LOXL3: variants seen among roughly 807,000 people sequenced by gnomAD.
LOXL3 encodes the protein lysyl oxidase homolog 3.
A neutral mutation model predicts 91.8 loss-of-function variants in LOXL3; 60 were observed. The ratio of observed to expected loss-of-function variants is 0.65; its 90% CI spans 0.53 to 0.81. The LOEUF (loss-of-function observed/expected upper bound fraction) is 0.81, where lower values mean the gene tolerates loss of function less well. LOXL3 is among the 30% of genes least tolerant of loss of function. The pLI, the probability that LOXL3 is intolerant of heterozygous loss-of-function variation, is 0.00. For synonymous variants in LOXL3, 355 were observed against 387.6 expected (o/e 0.92, Z 0.99); for missense variants, 874 against 1,000.4 (o/e 0.87, Z 1.70).
rs1249758810 is a variant in LOXL3, at chr2:74,532,794, TTC to T, written c.*810_*811del. 6.2e-7 allele frequency: 1 copy of T among 1,614,110 alleles called. No homozygotes were observed. Among genetic ancestry groups the T allele is most frequent in the Non-Finnish European group, 8.5e-7 (1 of 1,180,004 alleles). On this transcript the variant is annotated 3_prime_UTR_variant, in exon 14 of 14. Transcript: ENST00000264094. ...TGAACTAGGCTTTGTACTCCTTCCT[TTC>T]TCTCTGTCCATTTTTCTCTATAGGG... is the stretch of plus-strand genomic sequence containing the variant.
chr2:74,551,229 C>T (rs561972092), intron 2 of LOXL3, among the ~76,000 whole-genome samples: 22 of 152,252 alleles, frequency 1.4e-4, no homozygotes, highest in South Asian at 8.3e-4. Flanking sequence ...CCACTGAGCC[C>T]GGCCTGAACC....
intron 4 of LOXL3, among the ~76,000 whole-genome samples, chr2:74,547,810 G>T (rs1241378012): frequency 6.6e-6 from 1 of 152,124 alleles, no homozygotes; most frequent in Non-Finnish European, 1.5e-5. Flanking sequence ...GACCTAAAAG[G>T]ATTTCAGTAA....
chr2:74,550,983 A>ATC (rs1676971409), intron 2 of LOXL3, among the ~76,000 whole-genome samples: 1 of 151,566 alleles, frequency 6.6e-6, no homozygotes, highest in African/African-American at 2.4e-5. Context: ...CCTAGGCTGA[A>ATC]ATGCAGTGGC....
chr2:74,552,214 T>C (rs1573030843), intron 2 of LOXL3, 108 bp downstream of exon 2: 1 of 978,144 alleles, frequency 1.0e-6, no homozygotes, highest in East Asian at 2.5e-5. Context: ...CAATGCTGGC[T>C]GTTCTTGGTG....
intron 4 of LOXL3, among the ~76,000 whole-genome samples, chr2:74,546,917 T>C (rs1676626042): frequency 1.3e-5 from 2 of 152,102 alleles, no homozygotes; most frequent in Admixed American, 1.3e-4. Flanking sequence ...GGTTTCTCCA[T>C]GTTGGTCAGG....
chr2:74,535,041 G>T lies in LOXL3; in HGVS notation c.1579+251C>A, dbSNP rs1675917056. Among the ~76,000 whole-genome samples, 1 of 152,132 alleles carries T rather than the reference G, an allele frequency of 6.6e-6. No individual in the cohort carries two copies. On this transcript the variant is annotated intron_variant, in intron 9 of 13. Transcript: ENST00000264094. This position sits in a 1 kb window ranked among gnomAD's most constrained non-coding sequence, Gnocchi z 4.2. ...TTATAGGCGCCTGCCACTGCGCCTGGCTAATTTTTGTAGTTTTAGTAGAGA... is the reference window on the plus strand; with the variant it reads ...TTATAGGCGCCTGCCACTGCGCCTGTCTAATTTTTGTAGTTTTAGTAGAGA...
chr2:74,535,582 A>G lies in LOXL3; in HGVS notation c.1416+6T>C. On this transcript the variant is annotated splice_donor_region_variant and intron_variant, in intron 8 of 13. Coordinates refer to ENST00000264094, the MANE Select transcript of LOXL3 (RefSeq NM_032603.5). This position sits in a 1 kb window ranked among gnomAD's most constrained non-coding sequence, Gnocchi z 4.2. Reference sequence around the variant, plus strand: ...CAGCCTCGGCTCCCCTTTCCTTCCCACTCACCTGCAGGCCGTGGTTGGCGT... The same window carrying G: ...CAGCCTCGGCTCCCCTTTCCTTCCCGCTCACCTGCAGGCCGTGGTTGGCGT... 1.9e-6 allele frequency: 3 copies of G among 1,612,592 alleles called. No individual in the cohort carries two copies. Among genetic ancestry groups the G allele is most frequent in the South Asian group, 1.1e-5 (1 of 90,990 alleles).
In LOXL3 at chr2:74,549,538, C is replaced by T. The variant is rs776024001; in HGVS notation, c.523G>A (p.Val175Ile). 1.2e-6 allele frequency: 2 copies of T among 1,612,252 alleles called. No individual in the cohort carries two copies. Among genetic ancestry groups the T allele is most frequent in the South Asian group, 1.1e-5 (1 of 90,982 alleles). ...QVEEVRIRPA[V>I]GWGRRPLPVT... Reference sequence around the variant, plus strand: ...GGCAGGGGTCGTCTGCCCCACCCAACGGCGGGTCGAATTCGCACCTCCTCC... The same window carrying T: ...GGCAGGGGTCGTCTGCCCCACCCAATGGCGGGTCGAATTCGCACCTCCTCC... Residue 175 changes from valine (V) to isoleucine (I), a missense_variant, in exon 4 of 14, where the codon GTT becomes ATT. Coordinates refer to ENST00000264094, the MANE Select transcript of LOXL3 (RefSeq NM_032603.5). The surrounding 1 kb of genome is among the most constrained non-coding windows in gnomAD (Gnocchi z 5.3).
At position 74,534,530 on chromosome 2, in the gene LOXL3, C is replaced by A. The variant is rs1363036854; in HGVS notation, c.1823+1G>T. 5.6e-6 allele frequency: 9 copies of A among 1,614,044 alleles called. No homozygotes were observed. Among genetic ancestry groups the A allele is most frequent in the South Asian group, 2.2e-5 (2 of 91,088 alleles). On this transcript the variant is annotated splice_donor_variant, in intron 10 of 13. Transcript: ENST00000264094. LOFTEE classifies it high-confidence loss of function. Reference sequence around the variant, plus strand: ...TTCTACTTGACTCCCTACCCTCTCACCCATGGCACTCGTGCCACACCCAGG... The same window carrying A: ...TTCTACTTGACTCCCTACCCTCTCAACCATGGCACTCGTGCCACACCCAGG...
chr2:74,544,814 A>G (rs1676512569), intron 4 of LOXL3, among the ~76,000 whole-genome samples: 1 of 152,158 alleles, frequency 6.6e-6, no homozygotes, highest in Admixed American at 6.5e-5. Flanking sequence ...TATCTTTCAT[A>G]ATTGTAATAA....
At chr2:74,551,325 C>T (rs1676996989) in intron 2 of LOXL3, among the ~76,000 whole-genome samples, 1 of 152,240 alleles carries the variant, frequency 6.6e-6, no homozygotes, top group African/African-American at 2.4e-5. Context: ...ACATCTCATT[C>T]ACATCCCAAC....
rs1676043591 is a variant in LOXL3, at chr2:74,536,689, A to G, written c.912+20T>C. On this transcript the variant is annotated intron_variant, in intron 5 of 13. Coordinates refer to ENST00000264094, the MANE Select transcript of LOXL3 (RefSeq NM_032603.5). This position sits in a 1 kb window ranked among gnomAD's most constrained non-coding sequence, Gnocchi z 4.5. ...TTCTCCACCTGGGGTGGGAAAGGTCATAATCACTGTCTCACACACCTCCCC... is the reference window on the plus strand; with the variant it reads ...TTCTCCACCTGGGGTGGGAAAGGTCGTAATCACTGTCTCACACACCTCCCC... 6.2e-7 allele frequency: 1 copy of G among 1,611,924 alleles called. No individual in the cohort carries two copies. The highest frequency in any genetic ancestry group is 1.3e-5 in the African/African-American group (1 of 75,006).
At chr2:74,555,042 C>G, upstream of LOXL3, 5 of 1,433,718 alleles carry the variant, frequency 3.5e-6, no homozygotes, top group Non-Finnish European at 4.7e-6. The surrounding 1 kb of genome is among the most constrained non-coding windows in gnomAD (Gnocchi z 6.1). Context: ...CCCCCAACCC[C>G]GTTTGGAAGC....
chr2:74,534,058 C>T, intron 12 of LOXL3, 42 bp downstream of exon 12: 1 of 1,612,554 alleles, frequency 6.2e-7, no homozygotes, highest in African/African-American at 1.3e-5. Context: ...GTCTTTAACG[C>T]TCCCCCCACT....
chr2:74,545,928 A>T (rs1287783298), intron 4 of LOXL3, among the ~76,000 whole-genome samples: 2 of 152,160 alleles, frequency 1.3e-5, no homozygotes, highest in Non-Finnish European at 2.9e-5. Context: ...CAATGTCTTA[A>T]AGAATCTTAA....
In LOXL3 at chr2:74,535,663, C is replaced by T. The variant is rs892227873; in HGVS notation, c.1341G>A (p.Gly447=). The T allele has an allele frequency of 1.2e-6, 2 of 1,613,098 alleles. No individual in the cohort carries two copies. The highest frequency in any genetic ancestry group is 1.3e-5 in the African/African-American group (1 of 74,826). The change falls in exon 8 of 14, where the codon GGG becomes GGA. Residue 447 remains glycine (G), a synonymous_variant. Coordinates refer to ENST00000264094, the MANE Select transcript of LOXL3 (RefSeq NM_032603.5). This position sits in a 1 kb window ranked among gnomAD's most constrained non-coding sequence, Gnocchi z 4.2. The part of the protein sequence containing the change: ...PGPLRWGLIC[G]DDWGTLEAMV... ...TGGCCTCCAGGGTCCCCCAGTCATC[C>T]CCACAGATGAGGCCCCAGCGAAGGG...
chr2:74,533,412 C>T lies in LOXL3; in HGVS notation c.*194G>A. The T allele has an allele frequency of 1.7e-6, 1 of 589,560 alleles. No individual in the cohort carries two copies. The highest frequency in any genetic ancestry group is 3.0e-6 in the Non-Finnish European group (1 of 330,974). 36.5% of individuals were successfully genotyped at this position (589,560 alleles called of 1,614,324 possible). On this transcript the variant is annotated 3_prime_UTR_variant, in exon 14 of 14. Transcript: ENST00000264094. ...TGCTGGGCCTGGGAGCAAAGATTCC[C>T]ATGCTTGGCTACAGATACTGACAGC...
rs910447761 is a variant in LOXL3, at chr2:74,533,063, C to T, written c.*543G>A. 8.3e-6 allele frequency: 12 copies of T among 1,445,072 alleles called. No individual in the cohort carries two copies. The highest frequency in any genetic ancestry group is 1.1e-5 in the Non-Finnish European group (11 of 1,036,714). The allele number at this position is 1,445,072 out of a possible 1,614,324, so 89.5% of individuals were successfully genotyped here. ...GGCTGAGGTTCTGAGGGCACCGAGA[C>T]AGAGGGTTAAATGAACCAGTGGGGG... On this transcript the variant is annotated 3_prime_UTR_variant, in exon 14 of 14. Coordinates refer to ENST00000264094, the MANE Select transcript of LOXL3 (RefSeq NM_032603.5).
At position 74,549,062 on chromosome 2, in the gene LOXL3, C is replaced by T. The variant is rs922130065; in HGVS notation, c.692+307G>A. 19 of 226,928 alleles carry T rather than the reference C, an allele frequency of 8.4e-5. No individual in the cohort carries two copies. Among genetic ancestry groups the T allele is most frequent in the African/African-American group, 3.6e-4 (16 of 44,188 alleles). The allele number at this position is 226,928 out of a possible 1,614,324, so 14.1% of individuals were successfully genotyped here. A position where few individuals can be genotyped will look rare whatever the true frequency, so the allele number is the denominator to read the frequency against. ...AGCGCCAGCGCTGGAATCGCCCCCG[C>T]GCCTGGGAGTGGCCTCGCGAGGCCG... On this transcript the variant is annotated intron_variant, in intron 4 of 13. Transcript: ENST00000264094. This position sits in a 1 kb window ranked among gnomAD's most constrained non-coding sequence, Gnocchi z 5.3.
Sources: gnomAD v4.1 joint callset for allele counts (sites outside exome capture counted in the v4.1 genomes callset) on GRCh38, gnomAD v4.1.1 for gene constraint, Gnocchi (gnomAD v3.1) non-coding constraint, MANE v1.5 for transcripts, NCBI Gene and HGNC (gene_info 2026-07-23, HGNC 2026-07-21) for gene names.